CFAP58: variants seen among roughly 807,000 people sequenced by gnomAD.
CFAP58 encodes the protein cilia- and flagella-associated protein 58.
Under a neutral mutation model 119.5 loss-of-function variants are expected in CFAP58, and 88 were observed. That is an observed-to-expected ratio of 0.74 (90% CI 0.62 to 0.88). The LOEUF (loss-of-function observed/expected upper bound fraction) is 0.88. Among genes scored for constraint, CFAP58 ranks in the 40% least tolerant of loss-of-function variants. The probability of loss-of-function intolerance (pLI) is 0.00; values close to 1 mark genes in which losing one functional copy is unlikely to be tolerated. For missense variants in CFAP58, 990 were observed against 1,021.2 expected (o/e 0.97, Z 0.42); for synonymous variants, 365 against 366.3 (o/e 1.00, Z 0.04).
chr10:104,423,494 T>C (rs2012693289), intron 15 of CFAP58, among the ~76,000 whole-genome samples: 1 of 152,040 alleles, frequency 6.6e-6, no homozygotes, highest in Non-Finnish European at 1.5e-5. Flanking sequence ...AATATGTTTC[T>C]AGTATTAGAA....
At chr10:104,343,191 T>G in the CFAP58 span, among the ~76,000 whole-genome samples, 23 of 152,360 alleles carry the variant, frequency 1.5e-4, no homozygotes, top group African/African-American at 5.3e-4. Context: ...CAGAACAGGC[T>G]GCTTTGCTGA....
At chr10:104,353,580 C>T (rs2014494359), upstream of CFAP58, 1 of 398,660 alleles carries the variant, frequency 2.5e-6, no homozygotes, top group Non-Finnish European at 4.6e-6. Context: ...CTGCCCACAC[C>T]GTGGGACTCC....
chr10:104,434,643 C>T (rs1176256979), intron 15 of CFAP58, among the ~76,000 whole-genome samples: 1 of 152,178 alleles, frequency 6.6e-6, no homozygotes, highest in Non-Finnish European at 1.5e-5. Flanking sequence ...ATGGATTCAG[C>T]CAGGTGACCT....
chr10:104,368,436 G>T lies in CFAP58; in HGVS notation c.806G>T (p.Arg269Ile). The change falls in exon 6 of 18, where the codon AGA becomes ATA. Residue 269 changes from arginine (R) to isoleucine (I), a missense_variant. By Grantham distance (97) the Arg-to-Ile change is moderately conservative. Transcript: ENST00000369704. ...CATCCCTTTCAGATATTGAATGAGA[G>T]AGCTGCAAAGGAACTCGAGCAATTT... ...QLKEQKILNE[R>I]AAKELEQFQM... The T allele has an allele frequency of 6.2e-7, 1 of 1,613,808 alleles. No individual in the cohort carries two copies. The highest frequency in any genetic ancestry group is 8.5e-7 in the Non-Finnish European group (1 of 1,179,840).
At chr10:104,395,736 A>G (rs2133036342) in intron 11 of CFAP58, among the ~76,000 whole-genome samples, 1 of 152,340 alleles carries the variant, frequency 6.6e-6, no homozygotes, top group East Asian at 1.9e-4. Context: ...CAGATTTTCT[A>G]GTAACTTTGC....
intron 11 of CFAP58, among the ~76,000 whole-genome samples, chr10:104,397,896 T>C (rs763513043): frequency 6.6e-6 from 1 of 152,260 alleles, no homozygotes; most frequent in Non-Finnish European, 1.5e-5. Flanking sequence ...ATATAGTGCA[T>C]GGCACACAAG....
chr10:104,338,915 T>C, the CFAP58 span, among the ~76,000 whole-genome samples: 1 of 151,934 alleles, frequency 6.6e-6, no homozygotes, highest in Admixed American at 6.5e-5. Context: ...CCGTTTTTTT[T>C]TTTTTTTGAG....
intron 10 of CFAP58, 71 bp downstream of exon 10, chr10:104,392,465 C>A: frequency 9.0e-7 from 1 of 1,108,786 alleles, no homozygotes; most frequent in Non-Finnish European, 1.3e-6. Flanking sequence ...TTCTGTTATC[C>A]TAATGGCAGA....
chr10:104,430,669 G>A (rs2012830910), intron 15 of CFAP58, among the ~76,000 whole-genome samples: 1 of 152,130 alleles, frequency 6.6e-6, no homozygotes, highest in Non-Finnish European at 1.5e-5. Flanking sequence ...TTAGGCATAT[G>A]TGAAACTGGA....
At chr10:104,435,221 G>A (rs1189936637) in intron 15 of CFAP58, among the ~76,000 whole-genome samples, 1 of 152,170 alleles carries the variant, frequency 6.6e-6, no homozygotes, top group African/African-American at 2.4e-5. Context: ...TTGGCTCAAG[G>A]CTGTAATCCC....
chr10:104,447,174 T>G (rs1165898289), intron 15 of CFAP58, among the ~76,000 whole-genome samples: 1 of 144,566 alleles, frequency 6.9e-6, no homozygotes, highest in Non-Finnish European at 1.5e-5. Flanking sequence ...ATTTTTCTTT[T>G]TTTCCTCTCT....
At chr10:104,400,986 T>C (rs776393517) in intron 13 of CFAP58, 83 bp downstream of exon 13, 2 of 906,876 alleles carry the variant, frequency 2.2e-6, no homozygotes, top group Non-Finnish European at 3.5e-6. Flanking sequence ...TGCTTGTTGC[T>C]CATTGAAGGT....
the CFAP58 span, among the ~76,000 whole-genome samples, chr10:104,345,133 TGAGA>T: frequency 1.3e-5 from 2 of 151,156 alleles, no homozygotes; most frequent in East Asian, 3.9e-4. Flanking sequence ...GGCGACAGAG[TGAGA>T]CTCTGTCTCA....
At chr10:104,394,095 T>C (rs1252902120) in intron 11 of CFAP58, among the ~76,000 whole-genome samples, 1 of 152,186 alleles carries the variant, frequency 6.6e-6, no homozygotes, top group Non-Finnish European at 1.5e-5. Flanking sequence ...CCCTTTAAAA[T>C]CTACTAATTT....
chr10:104,449,919 A>G, intron 16 of CFAP58, 152 bp from the exon 17 acceptor site: 1 of 716,082 alleles, frequency 1.4e-6, no homozygotes, highest in Non-Finnish European at 2.2e-6. Context: ...TCAGATGTGG[A>G]CCCTGAGCTG....
intron 15 of CFAP58, among the ~76,000 whole-genome samples, chr10:104,412,863 C>A (rs2012483255): frequency 6.6e-6 from 1 of 152,228 alleles, no homozygotes. Context: ...TCTGCCTGGG[C>A]AACTCCTGCC....
At chr10:104,445,033 A>C (rs1444807345) in intron 15 of CFAP58, among the ~76,000 whole-genome samples, 1 of 152,178 alleles carries the variant, frequency 6.6e-6, no homozygotes, top group Non-Finnish European at 1.5e-5. Flanking sequence ...GCCTAGAAAG[A>C]AATACTAGGC....
At chr10:104,418,556 A>G (rs537333228) in intron 15 of CFAP58, among the ~76,000 whole-genome samples, 15 of 152,266 alleles carry the variant, frequency 9.9e-5, no homozygotes, top group African/African-American at 3.6e-4. Flanking sequence ...TCAAAACAAA[A>G]ACAAAATCAA....
chr10:104,382,999 C>G (rs1019916039), intron 9 of CFAP58, among the ~76,000 whole-genome samples: 1 of 152,214 alleles, frequency 6.6e-6, no homozygotes, highest in African/African-American at 2.4e-5. Context: ...CAGGTCCCAC[C>G]TGGCCATCCT....
Sources: allele counts gnomAD v4.1 joint callset (sites outside exome capture counted in the v4.1 genomes callset), GRCh38; gene constraint gnomAD v4.1.1; transcripts MANE v1.5; gene names NCBI Gene and HGNC (gene_info 2026-07-23, HGNC 2026-07-21).